The following ARHGAP28 variants were observed in gnomAD, a reference collection of about 807,000 sequenced individuals.
ARHGAP28 encodes Rho GTPase activating protein 28, also known as rho GTPase-activating protein 28.
In ARHGAP28, 56 loss-of-function variants were observed where a neutral mutation model predicts 90.7. The ratio of observed to expected loss-of-function variants is 0.62; its 90% CI spans 0.50 to 0.77. The LOEUF (loss-of-function observed/expected upper bound fraction) is 0.77. ARHGAP28 is among the 30% of genes least tolerant of loss of function. The pLI is 0.00. For synonymous variants in ARHGAP28, 308 were observed against 323.3 expected (o/e 0.95, Z 0.51); for missense variants, 869 against 900.9 (o/e 0.96, Z 0.45).
intron 2 of ARHGAP28, among the ~76,000 whole-genome samples, chr18:6,827,545 ACC>A (rs1156771895): frequency 2.8e-5 from 3 of 105,918 alleles, no homozygotes; most frequent in African/African-American, 3.8e-5. Flanking sequence ...CGGGGGGCTG[ACC>A]CCCCCACCTC....
At chr18:6,904,623 G>T (rs1026631443) in intron 16 of ARHGAP28, among the ~76,000 whole-genome samples, 1 of 151,922 alleles carries the variant, frequency 6.6e-6, no homozygotes, top group Non-Finnish European at 1.5e-5. Context: ...ACAGGAAAAC[G>T]AGAAAGATCA....
chr18:6,850,076 C>A (rs1307879077), intron 3 of ARHGAP28, among the ~76,000 whole-genome samples: 3 of 152,104 alleles, frequency 2.0e-5, no homozygotes, highest in African/African-American at 7.2e-5. Flanking sequence ...TAATGTTTAT[C>A]ATGCGTAATT....
chr18:6,855,028 G>A (rs1324429792), intron 4 of ARHGAP28, among the ~76,000 whole-genome samples: 1 of 152,242 alleles, frequency 6.6e-6, no homozygotes, highest in African/African-American at 2.4e-5. Flanking sequence ...CAGCATGGGA[G>A]GGAGGCCGAG....
chr18:6,824,613 T>G, intron 1 of ARHGAP28, 149 bp from the exon 2 acceptor site: 2 of 607,206 alleles, frequency 3.3e-6, no homozygotes, highest in Non-Finnish European at 2.7e-6. Flanking sequence ...TGAGTGGAGA[T>G]TATTCCCTCA....
chr18:6,841,167 C>CTCTCTCTCT (rs1225722544), intron 3 of ARHGAP28, among the ~76,000 whole-genome samples: 1 of 79,938 alleles, frequency 1.3e-5, no homozygotes, highest in African/African-American at 5.4e-5. Flanking sequence ...TTCTCTCTCT[C>CTCTCTCTCT]CTCTCTCTCT....
intron 1 of ARHGAP28, among the ~76,000 whole-genome samples, chr18:6,801,477 T>G (rs925728234): frequency 4.6e-5 from 7 of 152,220 alleles, no homozygotes; most frequent in Non-Finnish European, 8.8e-5. Flanking sequence ...GTTTTGGCTA[T>G]TTCAGGTTCT....
At chr18:6,807,907 G>A (rs2056530476) in intron 1 of ARHGAP28, among the ~76,000 whole-genome samples, 1 of 152,150 alleles carries the variant, frequency 6.6e-6, no homozygotes, top group Admixed American at 6.5e-5. Context: ...CCCATGGCCT[G>A]GAAGCTCTCC....
intron 1 of ARHGAP28, chr18:6,779,055 T>C (rs1410335203): frequency 6.6e-6 from 1 of 152,262 alleles, no homozygotes; most frequent in African/African-American, 2.4e-5. Context: ...ATTTTCTTTG[T>C]TCTCCAGACC....
chr18:6,834,026 T>C (rs887617546), intron 2 of ARHGAP28, among the ~76,000 whole-genome samples: 1 of 152,054 alleles, frequency 6.6e-6, no homozygotes, highest in African/African-American at 2.4e-5. Flanking sequence ...AGATGTTGCA[T>C]AGAGCAGGGC....
Position 6,769,126 on chromosome 18 carries a change from G to A in ARHGAP28, c.122+39183G>A, listed in dbSNP as rs117941164. 6.1e-3 allele frequency among the ~76,000 whole-genome samples: 921 copies of A among 152,048 alleles called. 6 individuals carry two copies. Among genetic ancestry groups the A allele is most frequent in the Non-Finnish European group, 8.6e-3 (588 of 67,984 alleles). ...GAGAGAAGCAACTTTTTGGTAGGGT[G>A]AGAAGAGACTCCGGGGCCATTGATT... On this transcript the variant is annotated intron_variant, in intron 1 of 17. Coordinates refer to ENST00000383472, the MANE Select transcript of ARHGAP28 (RefSeq NM_001366230.1).
chr18:6,760,064 C>G (rs1465185606), intron 1 of ARHGAP28, among the ~76,000 whole-genome samples: 1 of 152,136 alleles, frequency 6.6e-6, no homozygotes, highest in African/African-American at 2.4e-5. Flanking sequence ...AGTGAATCTT[C>G]TCTGTCATGG....
chr18:6,800,587 T>A (rs1021176864), intron 1 of ARHGAP28, among the ~76,000 whole-genome samples: 5 of 152,120 alleles, frequency 3.3e-5, no homozygotes, highest in African/African-American at 4.8e-5. Context: ...GAAACCATCA[T>A]TCTCAGCAAA....
intron 2 of ARHGAP28, among the ~76,000 whole-genome samples, chr18:6,835,311 A>T (rs2056745084): frequency 6.6e-6 from 1 of 152,206 alleles, no homozygotes; most frequent in African/African-American, 2.4e-5. Flanking sequence ...TCAGAAATTA[A>T]AAGCTTATCT....
chr18:6,821,623 TC>T (rs1214304473), intron 1 of ARHGAP28, among the ~76,000 whole-genome samples: 1 of 152,188 alleles, frequency 6.6e-6, no homozygotes, highest in Non-Finnish European at 1.5e-5. Flanking sequence ...TGAGAGCTCT[TC>T]CAAGTGCTCT....
At chr18:6,870,954 A>C (rs531105297) in intron 7 of ARHGAP28, among the ~76,000 whole-genome samples, 11 of 151,848 alleles carry the variant, frequency 7.2e-5, no homozygotes, top group East Asian at 5.9e-4. Flanking sequence ...GCACCTGCCA[A>C]CTTGCCCGGC....
intron 1 of ARHGAP28, among the ~76,000 whole-genome samples, chr18:6,771,077 C>T (rs1230082599): frequency 3.9e-5 from 6 of 152,014 alleles, no homozygotes; most frequent in Non-Finnish European, 8.8e-5. Context: ...TGCTCTGTCA[C>T]CCAGCCTGGA....
chr18:6,866,070 A>T (rs537861241), intron 5 of ARHGAP28, among the ~76,000 whole-genome samples: 1 of 152,340 alleles, frequency 6.6e-6, no homozygotes, highest in South Asian at 2.1e-4. Flanking sequence ...TTTTAAAATG[A>T]TATATGTCAA....
At chr18:6,828,597 G>A (rs958083473) in intron 2 of ARHGAP28, among the ~76,000 whole-genome samples, 1 of 152,174 alleles carries the variant, frequency 6.6e-6, no homozygotes. Flanking sequence ...GTTAATTTTT[G>A]TATGTGGTGA....
At position 6,896,475 on chromosome 18, in the gene ARHGAP28, C is replaced by T. The variant is rs776292770; in HGVS notation, c.1906-27C>T. 8.1e-6 allele frequency: 13 copies of T among 1,611,330 alleles called. No homozygotes were observed. The African/African-American group carries it at 1.6e-4, about 20-fold the overall frequency. ...CCGATATTCATCCTAGTTTGACAGA[C>T]TGTACTGAATTTCTCCTCCTTGGCA... is the stretch of plus-strand genomic sequence containing the variant. On this transcript the variant is annotated intron_variant, in intron 15 of 17. Transcript: ENST00000383472.
Sources: allele counts gnomAD v4.1 joint callset (sites outside exome capture counted in the v4.1 genomes callset), GRCh38; gene constraint gnomAD v4.1.1; transcripts MANE v1.5; gene names NCBI Gene and HGNC (gene_info 2026-07-23, HGNC 2026-07-21).